The following HNF4G variants were observed in gnomAD, a reference collection of about 807,000 sequenced individuals.
The protein encoded by HNF4G is hepatocyte nuclear factor 4-gamma.
Under a neutral mutation model 50.9 loss-of-function variants are expected in HNF4G, and 21 were observed. The observed-to-expected ratio is 0.41, with a 90% CI of 0.29 to 0.59. The LOEUF (loss-of-function observed/expected upper bound fraction) is 0.59, where lower values mean the gene tolerates loss of function less well. Ranked by LOEUF, HNF4G falls within the 20% of genes least tolerant of loss-of-function variation. HNF4G has a pLI of 0.26. For synonymous variants in HNF4G, 198 were observed against 185.6 expected, an observed-to-expected ratio of 1.07 and a Z score of -0.54; for missense variants, 527 against 559.4, an observed-to-expected ratio of 0.94 and a Z score of 0.58.
chr8:75,410,983 T>C (rs1272947407), intron 1 of HNF4G, among the ~76,000 whole-genome samples: 1 of 152,232 alleles, frequency 6.6e-6, no homozygotes, highest in Admixed American at 6.5e-5. Context: ...CTAGGTACTA[T>C]TGTAGGCAAT....
chr8:75,475,902 T>A (rs992755849), intron 1 of HNF4G, among the ~76,000 whole-genome samples: 2 of 152,136 alleles, frequency 1.3e-5, no homozygotes, highest in Non-Finnish European at 2.9e-5. Flanking sequence ...CTGATGAAAA[T>A]TGTTGAACTT....
Position 75,565,284 on chromosome 8 carries a change from A to G in HNF4G, c.*1188A>G, listed in dbSNP as rs1022054322. 2 of 152,176 alleles carry G rather than the reference A, an allele frequency of 1.3e-5. No homozygotes were observed. Among genetic ancestry groups the G allele is most frequent in the Non-Finnish European group, 2.9e-5 (2 of 68,026 alleles). 9.4% of individuals were successfully genotyped at this position (152,176 alleles called of 1,614,324 possible). A position where few individuals can be genotyped will look rare whatever the true frequency, so the allele number is the denominator to read the frequency against. On this transcript the variant is annotated 3_prime_UTR_variant, in exon 10 of 10. Coordinates refer to ENST00000396423, the MANE Select transcript of HNF4G (RefSeq NM_004133.5). ...TACTATTCATCATATTGCCTATAAT[A>G]TATATTTACCGATAAGCAGTGAGTG...
intron 2 of HNF4G, among the ~76,000 whole-genome samples, chr8:75,522,632 T>G (rs1025888871): frequency 2.0e-5 from 3 of 152,158 alleles, no homozygotes; most frequent in African/African-American, 7.2e-5. Context: ...TGGCCTGTAG[T>G]CACTACATGC....
chr8:75,533,384 C>T (rs200050692), intron 2 of HNF4G, among the ~76,000 whole-genome samples: 1 of 151,970 alleles, frequency 6.6e-6, no homozygotes, highest in East Asian at 1.9e-4. Flanking sequence ...TCTGATGCAA[C>T]TTGAACCTTG....
rs558438096 is a variant in HNF4G, at chr8:75,543,018, C to T, written c.119-793C>T. On this transcript the variant is annotated intron_variant, in intron 1 of 9. Coordinates refer to ENST00000396423, the MANE Select transcript of HNF4G (RefSeq NM_004133.5). ...GGTCAGGGGTTCAAGAACAGCCTGG[C>T]CAACATGGTGAAACCCCGTCTCTAC... is the stretch of plus-strand genomic sequence containing the variant. Among the ~76,000 whole-genome samples the T allele has an allele frequency of 2.0e-5, 3 of 152,174 alleles. No individual in the cohort carries two copies. In the East Asian group the frequency reaches 5.8e-4, roughly 29 times the overall value.
intron 1 of HNF4G, among the ~76,000 whole-genome samples, chr8:75,479,159 T>C (rs1402993957): frequency 6.6e-6 from 1 of 152,208 alleles, no homozygotes; most frequent in African/African-American, 2.4e-5. Context: ...CTACCCTTAT[T>C]AAGAGATAGA....
chr8:75,451,123 T>C (rs770913822), intron 1 of HNF4G, among the ~76,000 whole-genome samples: 2 of 152,230 alleles, frequency 1.3e-5, no homozygotes, highest in Non-Finnish European at 2.9e-5. Context: ...ATTGGCCATG[T>C]GTATGCCTTT....
At chr8:75,490,468 A>G (rs1394180265) in intron 2 of HNF4G, among the ~76,000 whole-genome samples, 1 of 152,240 alleles carries the variant, frequency 6.6e-6, no homozygotes, top group Non-Finnish European at 1.5e-5. Flanking sequence ...CTTATAAAAT[A>G]TCATAAATGT....
intron 1 of HNF4G, among the ~76,000 whole-genome samples, chr8:75,483,681 A>G (rs1257965170): frequency 6.6e-6 from 1 of 152,162 alleles, no homozygotes; most frequent in East Asian, 1.9e-4. Context: ...GACTTAGGTA[A>G]ATGAAAGGTC....
intron 1 of HNF4G, among the ~76,000 whole-genome samples, chr8:75,486,017 A>G (rs1812489660): frequency 6.6e-6 from 1 of 152,178 alleles, no homozygotes. Context: ...GCTGCCAACC[A>G]TATCCTTCAT....
At chr8:75,556,146 A>G (rs1386590581) in intron 6 of HNF4G, 77 bp downstream of exon 6, 4 of 667,998 alleles carry the variant, frequency 6.0e-6, no homozygotes, top group Non-Finnish European at 9.8e-6. Context: ...TCTGTTCTGT[A>G]TGTACCAAGT....
At chr8:75,512,558 G>C (rs747876628) in intron 2 of HNF4G, among the ~76,000 whole-genome samples, 1 of 151,824 alleles carries the variant, frequency 6.6e-6, no homozygotes, top group Admixed American at 6.6e-5. Context: ...TCCGCCTCCC[G>C]GGTTCATGCC....
intron 1 of HNF4G, among the ~76,000 whole-genome samples, chr8:75,414,990 T>C (rs1810598320): frequency 6.6e-6 from 1 of 152,224 alleles, no homozygotes; most frequent in Non-Finnish European, 1.5e-5. Context: ...TTCCCACCAG[T>C]AGGGCTTGAG....
chr8:75,451,689 C>T (rs1425700467), intron 1 of HNF4G, among the ~76,000 whole-genome samples: 2 of 152,118 alleles, frequency 1.3e-5, no homozygotes, highest in African/African-American at 4.8e-5. Flanking sequence ...TTTATTCTGT[C>T]CCATTGGTCT....
At chr8:75,456,843 C>T (rs748390899) in intron 1 of HNF4G, among the ~76,000 whole-genome samples, 50 of 152,056 alleles carry the variant, frequency 3.3e-4, no homozygotes, top group Non-Finnish European at 6.0e-4. Flanking sequence ...TGGATTTAAG[C>T]GATTCCCCCA....
At chr8:75,503,832 T>A (rs1311184718) in intron 2 of HNF4G, among the ~76,000 whole-genome samples, 1 of 152,142 alleles carries the variant, frequency 6.6e-6, no homozygotes, top group African/African-American at 2.4e-5. Context: ...GCTGTAATCT[T>A]TTGCTGTGGA....
At chr8:75,432,723 T>A (rs183213027) in intron 1 of HNF4G, among the ~76,000 whole-genome samples, 27 of 152,336 alleles carry the variant, frequency 1.8e-4, no homozygotes, top group African/African-American at 6.0e-4. Context: ...TGGCTTTTTT[T>A]AAGACTCATC....
chr8:75,443,143 A>G (rs1194599948), intron 1 of HNF4G, among the ~76,000 whole-genome samples: 1 of 152,212 alleles, frequency 6.6e-6, no homozygotes, highest in Non-Finnish European at 1.5e-5. Context: ...GTGAGGGAAC[A>G]GGAGAAGCAG....
upstream of HNF4G, among the ~76,000 whole-genome samples, chr8:75,538,768 T>G (rs1199070770): frequency 1.3e-5 from 2 of 152,212 alleles, no homozygotes; most frequent in Non-Finnish European, 2.9e-5. Context: ...TTAGTGAATC[T>G]GGCTGCTAAA....
Sources: gnomAD v4.1 joint callset for allele counts (sites outside exome capture counted in the v4.1 genomes callset) on GRCh38, gnomAD v4.1.1 for gene constraint, MANE v1.5 for transcripts, NCBI Gene and HGNC (gene_info 2026-07-23, HGNC 2026-07-21) for gene names.